The following TMEM132C variants were observed in gnomAD, a reference collection of about 807,000 sequenced individuals.
The protein encoded by TMEM132C is protein phosphatase 1, regulatory subunit 152.
Under a neutral mutation model 61.4 loss-of-function variants are expected in TMEM132C, and 29 were observed. The observed-to-expected ratio is 0.47, with a 90% CI of 0.35 to 0.64. The LOEUF (loss-of-function observed/expected upper bound fraction) is 0.64. Among genes scored for constraint, TMEM132C ranks in the 30% least tolerant of loss-of-function variants. The pLI is 0.00. For missense variants in TMEM132C, 1,408 were observed against 1,476.9 expected, an observed-to-expected ratio of 0.95 and a Z score of 0.76; for synonymous variants, 656 against 633.1, an observed-to-expected ratio of 1.04 and a Z score of -0.54.
intron 5 of TMEM132C, among the ~76,000 whole-genome samples, chr12:128,686,054 TG>T (rs1280582375): frequency 4.6e-5 from 2 of 43,322 alleles, no homozygotes; most frequent in African/African-American, 1.1e-4. Context: ...CGTGTGTGCA[TG>T]TGTGTGTGTG....
chr12:128,458,689 T>C (rs1233648103), intron 2 of TMEM132C, among the ~76,000 whole-genome samples: 1 of 152,142 alleles, frequency 6.6e-6, no homozygotes, highest in Non-Finnish European at 1.5e-5. Context: ...GGAGATTGAT[T>C]GGTTGCTTTT....
intron 1 of TMEM132C, among the ~76,000 whole-genome samples, chr12:128,270,859 A>C (rs1734402645): frequency 1.3e-5 from 2 of 152,188 alleles, no homozygotes; most frequent in South Asian, 4.1e-4. Flanking sequence ...TTCTTCTTCT[A>C]TACCCAAATT....
At position 128,550,613 on chromosome 12, in the gene TMEM132C, T is replaced by G. The variant is rs148563456; in HGVS notation, c.1121+6510T>G. Among the ~76,000 whole-genome samples the G allele has an allele frequency of 4.1e-3, 627 of 152,354 alleles. 3 individuals are homozygous for G. The highest frequency in any genetic ancestry group is 6.5e-3 in the Non-Finnish European group (439 of 68,034). On this transcript the variant is annotated intron_variant, in intron 3 of 8. Coordinates refer to ENST00000435159, the MANE Select transcript of TMEM132C (RefSeq NM_001136103.3). The stretch of plus-strand genomic sequence containing the variant: ...AGCCACTGAACTTGGCTTCTTCATC[T>G]TCCCGTAAGGACACCAGTCCTGTGG...
intron 1 of TMEM132C, among the ~76,000 whole-genome samples, chr12:128,342,159 A>G (rs111684826): frequency 6.6e-6 from 1 of 151,842 alleles, no homozygotes. Context: ...CAGGTGCACA[A>G]CACCACGCCC....
At chr12:128,268,348 GC>G in intron 1 of TMEM132C, among the ~76,000 whole-genome samples, 1 of 152,334 alleles carries the variant, frequency 6.6e-6, no homozygotes, top group East Asian at 1.9e-4. Flanking sequence ...CGGCCGAGTG[GC>G]CGCGCGGATG....
intron 1 of TMEM132C, among the ~76,000 whole-genome samples, chr12:128,352,254 A>G (rs1381299266): frequency 6.6e-6 from 1 of 152,194 alleles, no homozygotes; most frequent in Non-Finnish European, 1.5e-5. Context: ...CAATCATGGC[A>G]GAAGGGGGAG....
chr12:128,626,110 A>G (rs77963458), intron 4 of TMEM132C, among the ~76,000 whole-genome samples: 6,597 of 150,860 alleles, frequency 0.044, 453 homozygotes, highest in African/African-American at 0.15. Flanking sequence ...AATTTTGGTA[A>G]CTGCATTTCT....
At chr12:128,670,058 A>G (rs529166405) in intron 5 of TMEM132C, among the ~76,000 whole-genome samples, 3 of 152,296 alleles carry the variant, frequency 2.0e-5, no homozygotes, top group Non-Finnish European at 2.9e-5. Context: ...AGAATATATT[A>G]TTACACTTTA....
At chr12:128,481,511 C>A (rs2136091407) in intron 2 of TMEM132C, among the ~76,000 whole-genome samples, 1 of 152,348 alleles carries the variant, frequency 6.6e-6, no homozygotes, top group African/African-American at 2.4e-5. Context: ...CTAGAATCTG[C>A]CTCATCGCCA....
intron 5 of TMEM132C, 54 bp downstream of exon 5, chr12:128,669,614 T>A: frequency 6.5e-7 from 1 of 1,537,324 alleles, no homozygotes; most frequent in East Asian, 2.5e-5. Context: ...CACTTGGACA[T>A]CCCGTTTGCT....
chr12:128,668,265 G>A (rs1298417783), intron 4 of TMEM132C, among the ~76,000 whole-genome samples: 2 of 151,814 alleles, frequency 1.3e-5, no homozygotes, highest in Non-Finnish European at 2.9e-5. Flanking sequence ...AAAGAAAAAA[G>A]AATAGGAATG....
chr12:128,673,737 A>C (rs1334755628), intron 5 of TMEM132C, among the ~76,000 whole-genome samples: 2 of 152,254 alleles, frequency 1.3e-5, no homozygotes, highest in Non-Finnish European at 1.5e-5. Flanking sequence ...AGTGAATCAT[A>C]CAGCGTTCCC....
intron 4 of TMEM132C, among the ~76,000 whole-genome samples, chr12:128,652,186 T>G (rs1457378687): frequency 6.6e-6 from 1 of 151,940 alleles, no homozygotes. Context: ...TGAAATAGGA[T>G]CTAGCCACAT....
chr12:128,586,116 G>A (rs946998838), intron 3 of TMEM132C, among the ~76,000 whole-genome samples: 1 of 152,088 alleles, frequency 6.6e-6, no homozygotes, highest in African/African-American at 2.4e-5. Flanking sequence ...AATGCATAGC[G>A]GATCTCTGGG....
chr12:128,308,946 C>T (rs1317576987), intron 1 of TMEM132C, among the ~76,000 whole-genome samples: 2 of 152,190 alleles, frequency 1.3e-5, no homozygotes, highest in South Asian at 2.1e-4. Context: ...GCGTTTTCTT[C>T]CAGTGGTGGT....
intron 2 of TMEM132C, among the ~76,000 whole-genome samples, chr12:128,493,619 AT>A (rs1210694924): frequency 6.6e-6 from 1 of 152,104 alleles, no homozygotes; most frequent in Non-Finnish European, 1.5e-5. Flanking sequence ...GCAATTGCAA[AT>A]TGGAGTTCAC....
At chr12:128,551,161 A>G (rs1322115606) in intron 3 of TMEM132C, among the ~76,000 whole-genome samples, 1 of 151,776 alleles carries the variant, frequency 6.6e-6, no homozygotes, top group Non-Finnish European at 1.5e-5. Context: ...TCCTTGTCTT[A>G]TGATCGGCTT....
At chr12:128,563,768 C>T (rs1874601348) in intron 3 of TMEM132C, among the ~76,000 whole-genome samples, 1 of 152,170 alleles carries the variant, frequency 6.6e-6, no homozygotes. Context: ...TAGAACTGTG[C>T]TTGACGCTTA....
intron 2 of TMEM132C, among the ~76,000 whole-genome samples, chr12:128,417,349 C>A (rs1683724): frequency 6.6e-6 from 1 of 152,098 alleles, no homozygotes; most frequent in Non-Finnish European, 1.5e-5. Context: ...TAGCGTCTAC[C>A]AGGGTGAGCA....
Sources: allele counts gnomAD v4.1 joint callset (sites outside exome capture counted in the v4.1 genomes callset), GRCh38; gene constraint gnomAD v4.1.1; transcripts MANE v1.5; gene names NCBI Gene and HGNC (gene_info 2026-07-23, HGNC 2026-07-21).